The following ENTPD5 variants were observed in gnomAD, a reference collection of about 807,000 sequenced individuals.
The protein encoded by ENTPD5 is ectonucleoside triphosphate diphosphohydrolase 5 (inactive), also known as nucleoside diphosphate phosphatase ENTPD5.
In ENTPD5, 49 loss-of-function variants were observed where a neutral mutation model predicts 60.2. The observed-to-expected ratio is 0.81, with a 90% confidence interval of 0.65 to 1.03. The LOEUF (loss-of-function observed/expected upper bound fraction) is 1.03, where lower values mean the gene tolerates loss of function less well. ENTPD5 is among the 50% of genes least tolerant of loss of function. The pLI, the probability that ENTPD5 is intolerant of heterozygous loss-of-function variation, is 0.00. For missense variants in ENTPD5, 480 were observed against 507.6 expected, an observed-to-expected ratio of 0.95 and a Z score of 0.52; for synonymous variants, 187 against 185.4, an observed-to-expected ratio of 1.01 and a Z score of -0.07.
At chr14:73,992,679 G>A (rs1439271286) in intron 3 of ENTPD5, among the ~76,000 whole-genome samples, 35 of 132,216 alleles carry the variant, frequency 2.6e-4, no homozygotes, top group African/African-American at 7.8e-4. Context: ...ACAAGACTCC[G>A]TCTCAAAAAA....
At chr14:74,010,242 A>G (rs538728092) in intron 3 of ENTPD5, among the ~76,000 whole-genome samples, 21 of 152,300 alleles carry the variant, frequency 1.4e-4, no homozygotes, top group Admixed American at 8.5e-4. Context: ...TGGCTCCACT[A>G]TAACACTTAG....
chr14:74,005,191 G>A (rs959279221), intron 3 of ENTPD5, among the ~76,000 whole-genome samples: 58 of 145,026 alleles, frequency 4.0e-4, no homozygotes, highest in Non-Finnish European at 6.8e-4. Context: ...GCTTGAACCC[G>A]GGAGATGGAG....
intron 12 of ENTPD5, among the ~76,000 whole-genome samples, 195 bp from the exon 13 acceptor site, chr14:73,973,219 T>C (rs532261476): frequency 5.9e-5 from 9 of 152,230 alleles, no homozygotes; most frequent in Non-Finnish European, 1.3e-4. Flanking sequence ...TGTTTCTCCA[T>C]GGCCGCTCTC....
chr14:73,966,822 C>T lies in ENTPD5; in HGVS notation c.*106G>A, dbSNP rs1323348892. 1.2e-6 allele frequency: 1 copy of T among 846,170 alleles called. No individual in the cohort carries two copies. The highest frequency in any genetic ancestry group is 2.0e-6 in the Non-Finnish European group (1 of 511,180). The allele number at this position is 846,170 out of a possible 1,614,324, so 52.4% of individuals were successfully genotyped here. On this transcript the variant is annotated 3_prime_UTR_variant, in exon 16 of 16. Coordinates refer to ENST00000334696, the MANE Select transcript of ENTPD5 (RefSeq NM_001249.5). Reference sequence around the variant, plus strand: ...TGTAAAATTAATTAAACCTAAATCTCTAGGCTCAAGTCCAGGATGTCCCCA... The same window carrying T: ...TGTAAAATTAATTAAACCTAAATCTTTAGGCTCAAGTCCAGGATGTCCCCA...
intron 1 of ENTPD5, among the ~76,000 whole-genome samples, chr14:74,017,409 G>A (rs1407924201): frequency 6.6e-6 from 1 of 151,394 alleles, no homozygotes; most frequent in Admixed American, 6.6e-5. Flanking sequence ...GAGAAACCCT[G>A]TCTCTACTAA....
intron 6 of ENTPD5, among the ~76,000 whole-genome samples, chr14:73,979,473 T>C (rs897334981): frequency 3.1e-5 from 2 of 65,300 alleles, no homozygotes; most frequent in African/African-American, 7.3e-5. Flanking sequence ...TAGTAAGCAC[T>C]TTTTTTTTTT....
chr14:73,990,456 T>C (rs1279318697), intron 3 of ENTPD5, among the ~76,000 whole-genome samples: 2 of 151,788 alleles, frequency 1.3e-5, no homozygotes, highest in Non-Finnish European at 2.9e-5. Context: ...CTCCTTAGCC[T>C]CCCGAGTAGT....
At chr14:73,976,711 C>T (rs2057460901) in intron 8 of ENTPD5, among the ~76,000 whole-genome samples, 1 of 151,782 alleles carries the variant, frequency 6.6e-6, no homozygotes, top group African/African-American at 2.4e-5. Context: ...CTCCTGGGTT[C>T]AAGTGATTCT....
In ENTPD5 at chr14:73,971,859, G is replaced by A. The variant is rs771301072; in HGVS notation, c.1077C>T (p.Ala359=). ...GCTTCCCCTGACACTTACCTTCCCT[G>A]GCTTTTCTTTCAAAATCTTCAACTT... ...ILKVEDFERK[A]REVCDNLENF... The change falls in exon 14 of 16, where the codon GCC becomes GCT. Residue 359 remains alanine, a synonymous_variant. Transcript: ENST00000334696. 5.0e-6 allele frequency: 8 copies of A among 1,605,164 alleles called. No individual in the cohort carries two copies. The highest frequency in any genetic ancestry group is 6.8e-6 in the Non-Finnish European group (8 of 1,172,138).
At chr14:73,969,826 G>A (rs893313655) in intron 15 of ENTPD5, among the ~76,000 whole-genome samples, 184 bp downstream of exon 15, 2 of 152,174 alleles carry the variant, frequency 1.3e-5, no homozygotes, top group African/African-American at 4.8e-5. Flanking sequence ...TACACTCGGA[G>A]GCTACCATTG....
At chr14:73,993,953 G>A (rs1261996550) in intron 3 of ENTPD5, among the ~76,000 whole-genome samples, 3 of 150,900 alleles carry the variant, frequency 2.0e-5, no homozygotes, top group African/African-American at 7.3e-5. Context: ...AAACCCTGCA[G>A]AGTCATACTA....
At chr14:73,979,318 CTAACA>C (rs1228348561) in intron 6 of ENTPD5, among the ~76,000 whole-genome samples, 2 of 151,952 alleles carry the variant, frequency 1.3e-5, no homozygotes, top group Non-Finnish European at 2.9e-5. Flanking sequence ...CCTGCAGAAC[CTAACA>C]TAACTTTCTT....
Position 73,983,166 on chromosome 14 carries a change from A to C in ENTPD5, c.298-5T>G, listed in dbSNP as rs767013859. ...CCCTTGAACGGTCTCAGCACCCTTC[A>C]AAAGAGATAACCCGTTCATCTGATG... On this transcript the variant is annotated splice_polypyrimidine_tract_variant and splice_region_variant and intron_variant, in intron 5 of 15. Coordinates refer to ENST00000334696, the MANE Select transcript of ENTPD5 (RefSeq NM_001249.5). 3 of 1,609,014 alleles carry C rather than the reference A, an allele frequency of 1.9e-6. No homozygotes were observed. The African/African-American group carries it at 4.0e-5, about 22-fold the overall frequency.
At chr14:73,996,111 CT>C in intron 3 of ENTPD5, 2 of 984,678 alleles carry the variant, frequency 2.0e-6, no homozygotes, top group African/African-American at 1.7e-5. Context: ...TGCTCACCTG[CT>C]TGTGTCTGCC....
intron 3 of ENTPD5, among the ~76,000 whole-genome samples, chr14:74,002,592 T>C (rs1427696877): frequency 2.6e-5 from 4 of 152,170 alleles, no homozygotes; most frequent in Admixed American, 6.5e-5. Flanking sequence ...AAGATCTTAA[T>C]TTCCTGCTGT....
At chr14:73,979,998 G>A (rs1161689771) in intron 6 of ENTPD5, among the ~76,000 whole-genome samples, 1 of 148,064 alleles carries the variant, frequency 6.8e-6, no homozygotes, top group African/African-American at 2.5e-5. Context: ...CCAGGCTGGA[G>A]TGCAATGGCA....
At chr14:73,976,978 T>C (rs369195293) in intron 8 of ENTPD5, 46 bp downstream of exon 8, 158 of 1,493,108 alleles carry the variant, frequency 1.1e-4, no homozygotes, top group Non-Finnish European at 1.3e-4. Context: ...TGACTATGCA[T>C]GTAAAAGCTA....
intron 5 of ENTPD5, among the ~76,000 whole-genome samples, chr14:73,984,665 C>T (rs989040635): frequency 2.0e-5 from 3 of 151,976 alleles, no homozygotes; most frequent in South Asian, 2.1e-4. Context: ...TTGCTTTCAA[C>T]AGCTCCTAAT....
At chr14:73,959,987 A>C, downstream of ENTPD5, 1 of 1,033,718 alleles carries the variant, frequency 9.7e-7, no homozygotes, top group East Asian at 8.7e-5. Flanking sequence ...AATGCAAAAC[A>C]ATAGAAATAA....
Sources: allele counts gnomAD v4.1 joint callset (sites outside exome capture counted in the v4.1 genomes callset), GRCh38; gene constraint gnomAD v4.1.1; transcripts MANE v1.5; gene names NCBI Gene and HGNC (gene_info 2026-07-23, HGNC 2026-07-21).